TMEM161A: variants seen among roughly 807,000 people sequenced by gnomAD.
TMEM161A encodes adaptive response to oxidative stress protein 29.
A neutral mutation model predicts 57.1 loss-of-function variants in TMEM161A; 46 were observed. The observed-to-expected ratio is 0.81, with a 90% confidence interval of 0.64 to 1.03. TMEM161A has a LOEUF of 1.03. Ranked by LOEUF, TMEM161A falls within the 50% of genes least tolerant of loss-of-function variation. The pLI is 0.00. For synonymous variants in TMEM161A, 288 were observed against 279.0 expected, an observed-to-expected ratio of 1.03 and a Z score of -0.32; for missense variants, 601 against 621.5, an observed-to-expected ratio of 0.97 and a Z score of 0.35.
At chr19:19,130,697 G>A (rs1029811626) in intron 5 of TMEM161A, among the ~76,000 whole-genome samples, 3 of 152,160 alleles carry the variant, frequency 2.0e-5, no homozygotes, top group African/African-American at 7.2e-5. Context: ...AGCACTTTGG[G>A]AGGCCAAGGC....
At chr19:19,136,963 T>C (rs1376233912) in intron 1 of TMEM161A, among the ~76,000 whole-genome samples, 1 of 149,674 alleles carries the variant, frequency 6.7e-6, no homozygotes, top group African/African-American at 2.5e-5. Context: ...AGTCTGTTTT[T>C]CTCCTCTCTC....
chr19:19,132,663 C>A lies in TMEM161A; in HGVS notation c.280G>T (p.Ala94Ser). Residue 94 changes from alanine to serine, a missense_variant, in exon 4 of 12, where the codon GCC becomes TCC. Ala to Ser is a moderately conservative substitution (Grantham distance 99). Coordinates refer to ENST00000162044, the MANE Select transcript of TMEM161A (RefSeq NM_017814.3). This position sits in a 1 kb window ranked among gnomAD's most constrained non-coding sequence, Gnocchi z 4.3. ...LETCPLTTVD[A>S]LVLRFFLEYQ... ...GATGGGACTGGGCTATTACCCAGGG[C>A]ATCCACGGTCGTGAGGGGGCAGGTC... 1.3e-6 allele frequency: 2 copies of A among 1,568,820 alleles called. No homozygotes were observed. Among genetic ancestry groups the A allele is most frequent in the South Asian group, 2.4e-5 (2 of 83,094 alleles).
chr19:19,133,298 G>T, intron 2 of TMEM161A, 88 bp from the exon 3 acceptor site: 2 of 1,250,544 alleles, frequency 1.6e-6, no homozygotes, highest in Non-Finnish European at 2.3e-6. Context: ...ATTCTAGTTA[G>T]AGGGTAGCCT....
Position 19,132,229 on chromosome 19 carries a change from C to T in TMEM161A, c.443+123G>A, listed in dbSNP as rs2059962535. The T allele has an allele frequency of 1.7e-6, 2 of 1,180,832 alleles. No homozygotes were observed. The highest frequency in any genetic ancestry group is 1.2e-6 in the Non-Finnish European group (1 of 835,896). The allele number at this position is 1,180,832 out of a possible 1,614,324, so 73.1% of individuals were successfully genotyped here. A position where few individuals can be genotyped will look rare whatever the true frequency, so the allele number is the denominator to read the frequency against. Reference sequence around the variant, plus strand: ...AGCACATAAAATGTCTGCTTCATGTCACTAAGCTTGGGGAAGTTTGTGGCA... The same window carrying T: ...AGCACATAAAATGTCTGCTTCATGTTACTAAGCTTGGGGAAGTTTGTGGCA... On this transcript the variant is annotated intron_variant, in intron 5 of 11. Coordinates refer to ENST00000162044, the MANE Select transcript of TMEM161A (RefSeq NM_017814.3). This position sits in a 1 kb window ranked among gnomAD's most constrained non-coding sequence, Gnocchi z 4.3.
chr19:19,124,583 G>A (rs1342469429), intron 6 of TMEM161A, among the ~76,000 whole-genome samples: 1 of 152,128 alleles, frequency 6.6e-6, no homozygotes, highest in Non-Finnish European at 1.5e-5. Context: ...TCAAAGCATA[G>A]CAAGACCCCA....
At chr19:19,126,503 T>C (rs1433818470) in intron 6 of TMEM161A, among the ~76,000 whole-genome samples, 2 of 152,022 alleles carry the variant, frequency 1.3e-5, no homozygotes, top group Non-Finnish European at 2.9e-5. Flanking sequence ...AGGCTGGCGA[T>C]TGCTTGAGTT....
At chr19:19,124,137 GT>G (rs1199705327) in intron 6 of TMEM161A, among the ~76,000 whole-genome samples, 2 of 151,928 alleles carry the variant, frequency 1.3e-5, no homozygotes, top group Non-Finnish European at 2.9e-5. Flanking sequence ...AAATGTAACA[GT>G]TCTAAATCTG....
chr19:19,121,859 T>G lies in TMEM161A; in HGVS notation c.596-40A>C. ...AAGAGGACCGAGTAGAGTGAATTCCTAGGGTCTCTAAGGCCACTCTGTTCC... is the reference window on the plus strand; with the variant it reads ...AAGAGGACCGAGTAGAGTGAATTCCGAGGGTCTCTAAGGCCACTCTGTTCC... On this transcript the variant is annotated intron_variant, in intron 6 of 11. Transcript: ENST00000162044. The surrounding 1 kb of genome is among the most constrained non-coding windows in gnomAD (Gnocchi z 5.8). 6.2e-7 allele frequency: 1 copy of G among 1,609,018 alleles called. No individual in the cohort carries two copies. The highest frequency in any genetic ancestry group is 8.5e-7 in the Non-Finnish European group (1 of 1,177,434).
intron 1 of TMEM161A, among the ~76,000 whole-genome samples, chr19:19,137,337 C>A (rs538611044): frequency 1.3e-5 from 2 of 152,144 alleles, no homozygotes; most frequent in Non-Finnish European, 2.9e-5. Flanking sequence ...CCACCACCCC[C>A]CAAAACCCCC....
At position 19,121,873 on chromosome 19, in the gene TMEM161A, C is replaced by G; in HGVS notation, c.596-54G>C. 2 of 1,588,428 alleles carry G rather than the reference C, an allele frequency of 1.3e-6. No individual in the cohort carries two copies. The highest frequency in any genetic ancestry group is 1.7e-6 in the Non-Finnish European group (2 of 1,162,234). ...GAGTGAATTCCTAGGGTCTCTAAGGCCACTCTGTTCCCTAACCCCCCATCC... is the reference window on the plus strand; with the variant it reads ...GAGTGAATTCCTAGGGTCTCTAAGGGCACTCTGTTCCCTAACCCCCCATCC... On this transcript the variant is annotated intron_variant, in intron 6 of 11. Coordinates refer to ENST00000162044, the MANE Select transcript of TMEM161A (RefSeq NM_017814.3). The surrounding 1 kb of genome is among the most constrained non-coding windows in gnomAD (Gnocchi z 5.8).
chr19:19,128,214 G>C (rs911072508), intron 6 of TMEM161A, among the ~76,000 whole-genome samples: 3 of 149,998 alleles, frequency 2.0e-5, no homozygotes, highest in Non-Finnish European at 4.4e-5. Flanking sequence ...ATGGTTGCAC[G>C]ACATCTAAAT....
At position 19,132,897 on chromosome 19, in the gene TMEM161A, C is replaced by T. The variant is rs1239698713; in HGVS notation, c.189-143G>A. The T allele has an allele frequency of 5.3e-6, 4 of 757,918 alleles. No individual in the cohort carries two copies. The South Asian group carries it at 7.7e-5, about 15-fold the overall frequency. 46.9% of individuals were successfully genotyped at this position (757,918 alleles called of 1,614,324 possible). Reference sequence around the variant, plus strand: ...CTGCACACTGGGATATGGGGATCCCCCCACCCACCCACAGGACTGGCTAGA... The same window carrying T: ...CTGCACACTGGGATATGGGGATCCCTCCACCCACCCACAGGACTGGCTAGA... On this transcript the variant is annotated intron_variant, in intron 3 of 11. Transcript: ENST00000162044. The surrounding 1 kb of genome is among the most constrained non-coding windows in gnomAD (Gnocchi z 4.3).
At position 19,121,337 on chromosome 19, in the gene TMEM161A, C is replaced by T; in HGVS notation, c.885G>A (p.Gln295=). 4 of 1,583,270 alleles carry T rather than the reference C, an allele frequency of 2.5e-6. No homozygotes were observed. Among genetic ancestry groups the T allele is most frequent in the Non-Finnish European group, 3.4e-6 (4 of 1,165,512 alleles). ...AGAAACGCGTCTCCCCAAACGGCGG[C>T]TGGTGCAGGAAGTCCCGTGCAATGG... is the stretch of plus-strand genomic sequence containing the variant. ...TKPIARDFLH[Q]PPFGETRFSL... The change falls in exon 9 of 12, where the codon CAG becomes CAA. Residue 295 remains glutamine (Q), a synonymous_variant. Coordinates refer to ENST00000162044, the MANE Select transcript of TMEM161A (RefSeq NM_017814.3). The surrounding 1 kb of genome is among the most constrained non-coding windows in gnomAD (Gnocchi z 5.8).
chr19:19,124,613 G>A lies in TMEM161A; in HGVS notation c.596-2794C>T, dbSNP rs974233002. Among the ~76,000 whole-genome samples the A allele has an allele frequency of 2.0e-5, 3 of 152,036 alleles. No homozygotes were observed. In the South Asian group the frequency reaches 6.2e-4, roughly 32 times the overall value. On this transcript the variant is annotated intron_variant, in intron 6 of 11. Transcript: ENST00000162044. Reference sequence around the variant, plus strand: ...ACCCCATCTCTACAGAAATCAGAAGGGAAATGTTAAAACACCCCAAACAGA... The same window carrying A: ...ACCCCATCTCTACAGAAATCAGAAGAGAAATGTTAAAACACCCCAAACAGA...
rs1218496423 is a variant in TMEM161A, at chr19:19,119,858, AAC to A, written c.*70_*71del. ...TTGCAGCTGGGGACACGGGGGCGCA[AAC>A]AGAGGGGGCAGGCTAGTGTCCCGCT... On this transcript the variant is annotated 3_prime_UTR_variant, in exon 12 of 12. Transcript: ENST00000162044. 6.6e-6 allele frequency: 10 copies of A among 1,506,812 alleles called. No homozygotes were observed. The highest frequency in any genetic ancestry group is 8.9e-6 in the Non-Finnish European group (10 of 1,121,592). The allele number at this position is 1,506,812 out of a possible 1,614,324, so 93.3% of individuals were successfully genotyped here. A position where few individuals can be genotyped will look rare whatever the true frequency, so the allele number is the denominator to read the frequency against.
intron 6 of TMEM161A, among the ~76,000 whole-genome samples, chr19:19,128,603 A>G (rs770691610): frequency 7.2e-6 from 1 of 139,542 alleles, no homozygotes; most frequent in Non-Finnish European, 1.5e-5. Flanking sequence ...CAATGGCTCG[A>G]TCTTGGCTCA....
chr19:19,132,546 C>T lies in TMEM161A; in HGVS notation c.287-38G>A, dbSNP rs757934016. On this transcript the variant is annotated intron_variant, in intron 4 of 11. Transcript: ENST00000162044. This position sits in a 1 kb window ranked among gnomAD's most constrained non-coding sequence, Gnocchi z 4.3. ...CTCTGCTCAGCCCTGGGGCCCAGCT[C>T]GCTCCCCTCCTAATAGAACATTCTT... 39 of 1,601,322 alleles carry T rather than the reference C, an allele frequency of 2.4e-5. No homozygotes were observed. Among genetic ancestry groups the T allele is most frequent in the African/African-American group, 1.6e-4 (12 of 74,652 alleles).
intron 6 of TMEM161A, among the ~76,000 whole-genome samples, chr19:19,127,807 G>T (rs2059938408): frequency 6.6e-6 from 1 of 151,968 alleles, no homozygotes; most frequent in Non-Finnish European, 1.5e-5. Flanking sequence ...AGGTGTGGTG[G>T]CATGTGCCTG....
intron 11 of TMEM161A, 32 bp from the exon 12 acceptor site, chr19:19,120,215 G>A: frequency 6.7e-7 from 1 of 1,497,202 alleles, no homozygotes; most frequent in Non-Finnish European, 8.9e-7. Context: ...AGGTATGAGT[G>A]GAAAAATGGG....
Sources: allele counts gnomAD v4.1 joint callset (sites outside exome capture counted in the v4.1 genomes callset), GRCh38; gene constraint gnomAD v4.1.1; non-coding constraint Gnocchi (gnomAD v3.1); transcripts MANE v1.5; gene names NCBI Gene and HGNC (gene_info 2026-07-23, HGNC 2026-07-21).